Variants in CACNA1S observed in about 807,000 individuals in gnomAD.
CACNA1S encodes the protein voltage-dependent L-type calcium channel subunit alpha-1S.
In CACNA1S, 126 loss-of-function variants were observed where a neutral mutation model predicts 207.4. That is an observed-to-expected ratio of 0.61 (90% CI 0.53 to 0.70). The LOEUF (loss-of-function observed/expected upper bound fraction) is 0.70. CACNA1S is among the 30% of genes least tolerant of loss of function. CACNA1S has a pLI of 0.00. For synonymous variants in CACNA1S, 960 were observed against 932.7 expected (o/e 1.03, Z -0.53); for missense variants, 2,349 against 2,422.8 (o/e 0.97, Z 0.64).
At chr1:201,100,142 C>G (rs752306880) in intron 2 of CACNA1S, among the ~76,000 whole-genome samples, 15 of 152,218 alleles carry the variant, frequency 9.9e-5, no homozygotes, top group Non-Finnish European at 1.8e-4. Flanking sequence ...GATATGTGCT[C>G]AGGATCCATG....
intron 40 of CACNA1S, chr1:201,041,897 T>C: frequency 2.2e-6 from 1 of 451,588 alleles, no homozygotes; most frequent in Non-Finnish European, 4.1e-6. Context: ...TGCTTCTCCA[T>C]CTTGGCCACA....
chr1:201,070,348 C>G lies in CACNA1S; in HGVS notation c.2284G>C (p.Ala762Pro), dbSNP rs772552403. ...GCCTTCTCTTTCAGCTGCAGCTCAGCCAGGGGACGTGGTCGGGGGCTCAGC... is the reference window on the plus strand; with the variant it reads ...GCCTTCTCTTTCAGCTGCAGCTCAGGCAGGGGACGTGGTCGGGGGCTCAGC... ...IPLSPRPRPL[A>P]ELQLKEKAVP... is the part of the protein sequence containing the mutation. The change falls in exon 17 of 44, where the codon GCT (alanine) becomes CCT (proline). Residue 762 changes from alanine (A) to proline (P), a missense_variant. Coordinates refer to ENST00000362061, the MANE Select transcript of CACNA1S (RefSeq NM_000069.3). 6.2e-7 allele frequency: 1 copy of G among 1,614,088 alleles called. No homozygotes were observed. The highest frequency in any genetic ancestry group is 1.1e-5 in the South Asian group (1 of 91,076).
In CACNA1S at chr1:201,094,025, T is replaced by G. The variant is rs367999059; in HGVS notation, c.259-4A>C. On this transcript the variant is annotated splice_polypyrimidine_tract_variant and splice_region_variant and intron_variant, in intron 2 of 43. Coordinates refer to ENST00000362061, the MANE Select transcript of CACNA1S (RefSeq NM_000069.3). ...GGAAGAAATACTCCAGCTTCTCCTG[T>G]GGGAGCAAACGTGGTCACAGCATGC... is the stretch of plus-strand genomic sequence containing the variant. The G allele has an allele frequency of 9.3e-6, 15 of 1,614,054 alleles. No individual in the cohort carries two copies. The highest frequency in any genetic ancestry group is 1.1e-5 in the Non-Finnish European group (13 of 1,180,022).
chr1:201,065,768 C>T, intron 22 of CACNA1S, 70 bp downstream of exon 22: 1 of 996,594 alleles, frequency 1.0e-6, no homozygotes, highest in Non-Finnish European at 1.6e-6. Context: ...ATGTGGGGCT[C>T]CTTGTGCTTG....
In CACNA1S at chr1:201,074,487, C is replaced by T. The variant is rs1200890823; in HGVS notation, c.2063+19G>A. 1 of 1,527,536 alleles carries T rather than the reference C, an allele frequency of 6.5e-7. No individual in the cohort carries two copies. The highest frequency in any genetic ancestry group is 9.1e-7 in the Non-Finnish European group (1 of 1,102,414). The allele number at this position is 1,527,536 out of a possible 1,614,324, so 94.6% of individuals were successfully genotyped here. ...ACGACTGAGCACTCCAGGTCCCTTCCTGCTAAGGAAGCACTCACTTGGACA... is the reference window on the plus strand; with the variant it reads ...ACGACTGAGCACTCCAGGTCCCTTCTTGCTAAGGAAGCACTCACTTGGACA... On this transcript the variant is annotated intron_variant, in intron 14 of 43. Coordinates refer to ENST00000362061, the MANE Select transcript of CACNA1S (RefSeq NM_000069.3).
chr1:201,051,995 T>C (rs977622143), intron 32 of CACNA1S, among the ~76,000 whole-genome samples: 5 of 152,188 alleles, frequency 3.3e-5, no homozygotes, highest in Admixed American at 1.3e-4. Flanking sequence ...TGGGTGTCCC[T>C]AGGCCTTGTC....
intron 18 of CACNA1S, 56 bp from the exon 19 acceptor site, chr1:201,069,252 T>TCAG (rs562885310): frequency 2.7e-5 from 41 of 1,531,502 alleles, no homozygotes; most frequent in South Asian, 1.0e-4. Flanking sequence ...GGCAACAGTA[T>TCAG]CAGCAGCAGC....
chr1:201,077,441 T>C (rs1661671331), intron 11 of CACNA1S, among the ~76,000 whole-genome samples: 1 of 152,228 alleles, frequency 6.6e-6, no homozygotes, highest in Non-Finnish European at 1.5e-5. Flanking sequence ...CTTAGCACAG[T>C]ACCCAGCTCA....
intron 10 of CACNA1S, among the ~76,000 whole-genome samples, chr1:201,082,942 A>T (rs908805789): frequency 1.3e-5 from 2 of 152,180 alleles, no homozygotes; most frequent in Non-Finnish European, 2.9e-5. Flanking sequence ...TGAAGAGGAA[A>T]ATTGGGTATG....
chr1:201,101,519 A>G (rs978395725), intron 2 of CACNA1S, among the ~76,000 whole-genome samples: 1 of 152,226 alleles, frequency 6.6e-6, no homozygotes, highest in Non-Finnish European at 1.5e-5. Flanking sequence ...CCTCTACCTG[A>G]GCTGCAGGGG....
chr1:201,094,080 TCTTCC>T (rs1202214257), intron 2 of CACNA1S, 59 bp from the exon 3 acceptor site: 10 of 1,609,352 alleles, frequency 6.2e-6, no homozygotes, highest in Non-Finnish European at 8.5e-6. Context: ...ACCCTTGCTC[TCTTCC>T]CTGCAGCCGT....
chr1:201,097,791 T>C lies in CACNA1S; in HGVS notation c.259-3770A>G, dbSNP rs1419961242. On this transcript the variant is annotated intron_variant, in intron 2 of 43. Coordinates refer to ENST00000362061, the MANE Select transcript of CACNA1S (RefSeq NM_000069.3). Reference sequence around the variant, plus strand: ...GCTGCTGGTGGTGGGTGAGGGGAGGTTTTATGGCTTGAGAAGGCACCGCCA... The same window carrying C: ...GCTGCTGGTGGTGGGTGAGGGGAGGCTTTATGGCTTGAGAAGGCACCGCCA... Among the ~76,000 whole-genome samples the C allele has an allele frequency of 2.0e-5, 3 of 151,740 alleles. No individual in the cohort carries two copies. The East Asian group carries it at 5.8e-4, about 29-fold the overall frequency.
At chr1:201,041,904 C>T (rs1266105396) in intron 40 of CACNA1S, 1 of 439,212 alleles carries the variant, frequency 2.3e-6, no homozygotes, top group Non-Finnish European at 4.2e-6. Context: ...CCATCTTGGC[C>T]ACACATAGGA....
rs537783893 is a variant in CACNA1S, at chr1:201,075,570, T to C, written c.1873A>G (p.Met625Val). Reference sequence around the variant, plus strand: ...GGGTAGGACGGCCCGCCGTAGGCCATGATCCCATTGTACATCATTGAGGTC... The same window carrying C: ...GGGTAGGACGGCCCGCCGTAGGCCACGATCCCATTGTACATCATTGAGGTC... Reference protein sequence around the residue: ...DWTSMMYNGIMAYGGPSYPGM... With the variant: ...DWTSMMYNGIVAYGGPSYPGM... The change falls in exon 13 of 44, where the codon ATG becomes GTG. Residue 625 changes from methionine (M) to valine (V), a missense_variant. Physicochemically the swap from Met to Val is conservative, Grantham distance 21. Transcript: ENST00000362061. 4.3e-6 allele frequency: 7 copies of C among 1,613,724 alleles called. No individual in the cohort carries two copies. The highest frequency in any genetic ancestry group is 1.3e-5 in the African/African-American group (1 of 75,014).
intron 2 of CACNA1S, among the ~76,000 whole-genome samples, 178 bp from the exon 3 acceptor site, chr1:201,094,199 C>T (rs1662336310): frequency 5.3e-5 from 8 of 152,000 alleles, no homozygotes; most frequent in Admixed American, 5.2e-4. Flanking sequence ...CCCACACTGC[C>T]ACTCCCTCAC....
At position 201,053,641 on chromosome 1, in the gene CACNA1S, A is replaced by AG; in HGVS notation, c.3667-55dup. Reference sequence around the variant, plus strand: ...CTGGGGGCAGAACCTCAGAGGGGTAAGGGGCAGGGCGGGGAGGGAGGTGCA... The same window carrying AG: ...CTGGGGGCAGAACCTCAGAGGGGTAAGGGGGCAGGGCGGGGAGGGAGGTGCA... On this transcript the variant is annotated intron_variant, in intron 29 of 43. Transcript: ENST00000362061. The surrounding 1 kb of genome is among the most constrained non-coding windows in gnomAD (Gnocchi z 5.1). The AG allele has an allele frequency of 3.5e-6, 3 of 847,930 alleles. No individual in the cohort carries two copies. The highest frequency in any genetic ancestry group is 5.5e-6 in the Non-Finnish European group (3 of 546,160). 52.5% of individuals were successfully genotyped at this position (847,930 alleles called of 1,614,324 possible).
chr1:201,069,297 G>T (rs1661365329), intron 18 of CACNA1S, 101 bp from the exon 19 acceptor site: 1 of 1,428,256 alleles, frequency 7.0e-7, no homozygotes, highest in Non-Finnish European at 9.8e-7. Context: ...GCCATTCTGT[G>T]CCCCAGCCTG....
intron 18 of CACNA1S, 135 bp downstream of exon 18, chr1:201,069,337 C>G (rs997621066): frequency 1.4e-6 from 2 of 1,446,844 alleles, no homozygotes; most frequent in African/African-American, 2.8e-5. Context: ...AGTGGGCAGT[C>G]CTATCCCTGA....
Position 201,050,392 on chromosome 1 carries a change from G to A in CACNA1S, c.4238C>T (p.Ala1413Val). 1 of 1,614,076 alleles carries A rather than the reference G, an allele frequency of 6.2e-7. No individual in the cohort carries two copies. Among genetic ancestry groups the A allele is most frequent in the Non-Finnish European group, 8.5e-7 (1 of 1,179,962 alleles). ...KAIWAEYDPE[A>V]KGRIKHLDVV... ...AGAGCCTACAGATTGGACTCACTTA[G>A]CCTCTGGGTCATACTCTGCCCAGAT... The change falls in exon 34 of 44, where the codon GCT (alanine) becomes GTT (valine). Residue 1413 changes from alanine to valine, a missense_variant. Coordinates refer to ENST00000362061, the MANE Select transcript of CACNA1S (RefSeq NM_000069.3).
Sources: gnomAD v4.1 joint callset for allele counts (sites outside exome capture counted in the v4.1 genomes callset) on GRCh38, gnomAD v4.1.1 for gene constraint, Gnocchi (gnomAD v3.1) non-coding constraint, MANE v1.5 for transcripts, NCBI Gene and HGNC (gene_info 2026-07-23, HGNC 2026-07-21) for gene names.